PARP16: variants seen among roughly 807,000 people sequenced by gnomAD.
The protein encoded by PARP16 is poly(ADP-ribose) polymerase family member 16, also known as protein mono-ADP-ribosyltransferase PARP16.
PARP16 carries 31 observed loss-of-function variants against 35.0 expected under a neutral mutation model. That is an observed-to-expected ratio of 0.88 (90% CI 0.66 to 1.19). PARP16 has a LOEUF of 1.19. Among genes scored for constraint, PARP16 ranks in the 50% most tolerant of loss-of-function variants. PARP16 has a pLI of 0.00. For missense variants in PARP16, 424 were observed against 411.2 expected, an observed-to-expected ratio of 1.03 and a Z score of -0.27; for synonymous variants, 162 against 169.5, an observed-to-expected ratio of 0.96 and a Z score of 0.34.
At chr15:65,271,627 G>C (rs1314853497) in intron 1 of PARP16, among the ~76,000 whole-genome samples, 1 of 152,076 alleles carries the variant, frequency 6.6e-6, no homozygotes, top group African/African-American at 2.4e-5. Flanking sequence ...GACCTGAGCT[G>C]ATGTGAGGTT....
rs781534803 is a variant in PARP16 at position 65,241,204 on chromosome 15, G to A, written c.*98-6381C>T. Among the ~76,000 whole-genome samples the A allele has an allele frequency of 1.2e-3, 187 of 149,818 alleles. 1 individual carries two copies. The highest frequency in any genetic ancestry group is 2.7e-3 in the African/African-American group (108 of 40,588). The stretch of plus-strand genomic sequence containing the variant: ...CTAGGCTGAAGTGCAGTGGTGGCAT[G>A]ATCTCAGCTCACTGCAACCTCTGCC... On this transcript the variant is annotated intron_variant and NMD_transcript_variant, in intron 3 of 3. Transcript: ENST00000559805.
chr15:65,280,172 C>T (rs2090378139), intron 1 of PARP16, among the ~76,000 whole-genome samples: 1 of 152,026 alleles, frequency 6.6e-6, no homozygotes, highest in African/African-American at 2.4e-5. Flanking sequence ...TGTGGTGGTT[C>T]ACGCCTGTAA....
At chr15:65,238,077 G>A (rs1207393868) in intron 3 of PARP16, among the ~76,000 whole-genome samples, 1 of 152,124 alleles carries the variant, frequency 6.6e-6, no homozygotes, top group African/African-American at 2.4e-5. Flanking sequence ...CCTGAGGTCC[G>A]GAGTTTGAGA....
In PARP16 at chr15:65,274,395, C is replaced by T. The variant is rs549369935; in HGVS notation, c.175-3323G>A. Among the ~76,000 whole-genome samples, 14 of 151,848 alleles carry T rather than the reference C, an allele frequency of 9.2e-5. No homozygotes were observed. The South Asian group carries it at 2.9e-3, about 32-fold the overall frequency. ...GGGCAACATGGCGAAACCGCATCTC[C>T]ACAAAACAAAACAAACAAACAACAA... On this transcript the variant is annotated intron_variant, in intron 1 of 5. Coordinates refer to ENST00000649807, the MANE Select transcript of PARP16 (RefSeq NM_001316943.2).
downstream of PARP16, among the ~76,000 whole-genome samples, chr15:65,231,688 T>C (rs548159731): frequency 1.3e-5 from 2 of 152,290 alleles, no homozygotes; most frequent in East Asian, 3.9e-4. Context: ...CCTCAAGTGA[T>C]CTGCCCATCT....
downstream of PARP16, chr15:65,257,978 T>C (rs760518766): frequency 1.3e-5 from 2 of 152,184 alleles, no homozygotes; most frequent in Non-Finnish European, 2.9e-5. Flanking sequence ...ATCCTGGTGA[T>C]ATATGCTCTC....
intron 3 of PARP16, among the ~76,000 whole-genome samples, chr15:65,264,870 A>G (rs975845048): frequency 8.5e-5 from 13 of 152,218 alleles, no homozygotes; most frequent in African/African-American, 3.1e-4. Flanking sequence ...GTGCTTTACC[A>G]AAGGATTTTT....
chr15:65,240,943 G>A (rs529114247), intron 3 of PARP16, among the ~76,000 whole-genome samples: 47 of 151,188 alleles, frequency 3.1e-4, no homozygotes, highest in African/African-American at 1.1e-3. Flanking sequence ...AGCAATTCTC[G>A]TGCCTCAGCC....
chr15:65,279,988 C>T (rs992152053), intron 1 of PARP16, among the ~76,000 whole-genome samples: 3 of 152,018 alleles, frequency 2.0e-5, no homozygotes, highest in South Asian at 4.2e-4. Flanking sequence ...ACAACTCCTG[C>T]TTGAGACCAG....
At chr15:65,281,023 T>C (rs2090408147) in intron 1 of PARP16, among the ~76,000 whole-genome samples, 1 of 152,176 alleles carries the variant, frequency 6.6e-6, no homozygotes, top group South Asian at 2.1e-4. Flanking sequence ...CTCATGTTGC[T>C]GGTCCTCAAC....
downstream of PARP16, among the ~76,000 whole-genome samples, chr15:65,255,268 T>A (rs2089465933): frequency 6.6e-6 from 1 of 152,100 alleles, no homozygotes; most frequent in Admixed American, 6.6e-5. Flanking sequence ...CTGTGCTAAC[T>A]CATCCATTAG....
intron 3 of PARP16, among the ~76,000 whole-genome samples, chr15:65,240,363 T>TGTGTGTGTGTGTGTGTGTGTGTGTGTGTG (rs2089035686): frequency 1.4e-5 from 2 of 142,696 alleles, no homozygotes; most frequent in African/African-American, 5.3e-5. Flanking sequence ...TGTGTGTGTG[T>TGTGTGTGTGTGTGTGTGTGTGTGTGTGTG]TGGGATTACA....
intron 1 of PARP16, among the ~76,000 whole-genome samples, chr15:65,276,502 T>G (rs991135387): frequency 6.6e-6 from 1 of 151,898 alleles, no homozygotes; most frequent in Non-Finnish European, 1.5e-5. Context: ...GCCTCCAGAG[T>G]AGCTGGGACT....
intron 1 of PARP16, chr15:65,285,661 T>G (rs919302345): frequency 5.4e-6 from 1 of 184,414 alleles, no homozygotes; most frequent in Non-Finnish European, 1.1e-5. Flanking sequence ...TCGATTTTGG[T>G]AAGTTATATT....
intron 1 of PARP16, 45 bp from the exon 2 acceptor site, chr15:65,271,117 G>A: frequency 3.1e-6 from 5 of 1,607,872 alleles, no homozygotes; most frequent in Non-Finnish European, 4.3e-6. Flanking sequence ...CCCGGACACA[G>A]TGATAATCAG....
At chr15:65,249,917 T>C (rs1454172914) in intron 2 of PARP16, among the ~76,000 whole-genome samples, 1 of 152,132 alleles carries the variant, frequency 6.6e-6, no homozygotes, top group Non-Finnish European at 1.5e-5. Context: ...GGACTTCCCA[T>C]GGTTTCCACT....
At chr15:65,241,122 C>T (rs974471573) in intron 3 of PARP16, among the ~76,000 whole-genome samples, 1 of 146,994 alleles carries the variant, frequency 6.8e-6, no homozygotes. Context: ...AGGTATGAGC[C>T]ATCATGCCTG....
chr15:65,264,357 T>C (rs769147186), intron 3 of PARP16, among the ~76,000 whole-genome samples: 1 of 152,218 alleles, frequency 6.6e-6, no homozygotes, highest in Non-Finnish European at 1.5e-5. Flanking sequence ...TGGATGGACA[T>C]TGACGCTCAG....
chr15:65,233,330 A>C (rs2088803785), downstream of PARP16, among the ~76,000 whole-genome samples: 1 of 152,198 alleles, frequency 6.6e-6, no homozygotes, highest in Admixed American at 6.5e-5. Context: ...TCAACCCAGG[A>C]GGCGGAGCTT....
Sources: allele counts gnomAD v4.1 joint callset (sites outside exome capture counted in the v4.1 genomes callset), GRCh38; gene constraint gnomAD v4.1.1; transcripts MANE v1.5; gene names NCBI Gene and HGNC (gene_info 2026-07-23, HGNC 2026-07-21).